KIAA2012: variants seen among roughly 807,000 people sequenced by gnomAD.
The protein encoded by KIAA2012 is KIAA2012.
A neutral mutation model predicts 150.6 loss-of-function variants in KIAA2012; 125 were observed. The observed-to-expected ratio is 0.83, with a 90% CI of 0.72 to 0.96. The LOEUF (loss-of-function observed/expected upper bound fraction) is 0.96, where lower values mean the gene tolerates loss of function less well. Ranked by LOEUF, KIAA2012 falls within the 40% of genes least tolerant of loss-of-function variation. The pLI, the probability that KIAA2012 is intolerant of heterozygous loss-of-function variation, is 0.00. For synonymous variants in KIAA2012, 462 were observed against 504.7 expected, an observed-to-expected ratio of 0.92 and a Z score of 1.13; for missense variants, 1,219 against 1,354.9, an observed-to-expected ratio of 0.90 and a Z score of 1.57.
chr2:202,142,326 A>G (rs1024185527), intron 13 of KIAA2012, among the ~76,000 whole-genome samples: 1 of 152,266 alleles, frequency 6.6e-6, no homozygotes, highest in Admixed American at 6.5e-5. Context: ...CATGAAAAAC[A>G]TGAAATATCC....
intron 17 of KIAA2012, 37 bp from the exon 18 acceptor site, chr2:202,188,115 C>A (rs1426106251): frequency 6.8e-6 from 10 of 1,480,046 alleles, no homozygotes; most frequent in African/African-American, 2.8e-5. Context: ...ATTTCCTATA[C>A]ATATTATGGT....
At chr2:202,108,345 A>G (rs939898935) in intron 9 of KIAA2012, among the ~76,000 whole-genome samples, 8 of 152,150 alleles carry the variant, frequency 5.3e-5, no homozygotes, top group African/African-American at 9.7e-5. Flanking sequence ...CAATTACCAC[A>G]CTCAAGAAAG....
At chr2:202,126,370 A>G (rs1400115863) in intron 12 of KIAA2012, among the ~76,000 whole-genome samples, 1 of 152,200 alleles carries the variant, frequency 6.6e-6, no homozygotes, top group Non-Finnish European at 1.5e-5. Context: ...GGGTGGAAGG[A>G]TTGTTTTTGC....
intron 21 of KIAA2012, among the ~76,000 whole-genome samples, chr2:202,194,734 C>T (rs989107979): frequency 1.3e-5 from 2 of 152,026 alleles, no homozygotes; most frequent in Non-Finnish European, 2.9e-5. Context: ...TTGCCAGCCT[C>T]TTTTTAAAAA....
At chr2:202,131,153 T>C (rs1057306561) in intron 12 of KIAA2012, among the ~76,000 whole-genome samples, 2 of 152,138 alleles carry the variant, frequency 1.3e-5, no homozygotes, top group Non-Finnish European at 2.9e-5. Context: ...TGTTTGTTTG[T>C]TTTGAGATGG....
intron 14 of KIAA2012, among the ~76,000 whole-genome samples, chr2:202,155,065 G>A (rs969784973): frequency 1.3e-5 from 2 of 152,240 alleles, no homozygotes; most frequent in Non-Finnish European, 2.9e-5. Context: ...AGAGGAGAAA[G>A]AGTAACTTTA....
intron 18 of KIAA2012, 142 bp from the exon 19 acceptor site, chr2:202,190,032 G>A (rs1232003423): frequency 6.5e-6 from 4 of 619,670 alleles, no homozygotes; most frequent in Non-Finnish European, 1.1e-5. Context: ...AGGCTGCAGT[G>A]AGCCATGATC....
intron 13 of KIAA2012, among the ~76,000 whole-genome samples, chr2:202,143,465 C>CG (rs1239946901): frequency 2.5e-4 from 37 of 150,046 alleles, no homozygotes; most frequent in African/African-American, 8.3e-4. Context: ...TGTATCTATT[C>CG]GGAAAAGACT....
At position 202,190,435 on chromosome 2, in the gene KIAA2012, C is replaced by A; in HGVS notation, c.2753C>A (p.Ala918Glu). Residue 918 changes from alanine (A) to glutamate (E), a missense_variant, in exon 19 of 24, where the codon GCA becomes GAA. Ala to Glu is a moderately radical substitution (Grantham distance 107). Transcript: ENST00000498697. ...GGAAGATCATCACCCTCTCAGATTG[C>A]AACTGTCACTGGCAACATGGAATCT... ...LDGRSSPSQI[A>E]TVTGNMESKE... 6.5e-7 allele frequency: 1 copy of A among 1,548,650 alleles called. No homozygotes were observed. The highest frequency in any genetic ancestry group is 8.7e-7 in the Non-Finnish European group (1 of 1,145,810).
At chr2:202,086,569 G>A (rs763164751) in intron 2 of KIAA2012, among the ~76,000 whole-genome samples, 7 of 152,168 alleles carry the variant, frequency 4.6e-5, no homozygotes, top group African/African-American at 7.2e-5. Context: ...AAGACCACAT[G>A]AGACTGAATT....
At position 202,196,938 on chromosome 2, in the gene KIAA2012, C is replaced by T; in HGVS notation, c.3326C>T (p.Ala1109Val). 1 of 1,550,504 alleles carries T rather than the reference C, an allele frequency of 6.4e-7. No individual in the cohort carries two copies. Among genetic ancestry groups the T allele is most frequent in the Non-Finnish European group, 8.7e-7 (1 of 1,146,992 alleles). The change falls in exon 22 of 24, where the codon GCA becomes GTA. Residue 1109 changes from alanine (A) to valine (V), a missense_variant. Transcript: ENST00000498697. The stretch of plus-strand genomic sequence containing the variant: ...GCAGAAGAGAAGGCTCGGCTGGAGG[C>T]AGAGGAGAGGAGGCAAAAAGAAGAG... The part of the protein sequence containing the change: ...QEAEEKARLE[A>V]EERRQKEEEA...
intron 2 of KIAA2012, among the ~76,000 whole-genome samples, chr2:202,075,854 G>A (rs920534457): frequency 2.6e-5 from 4 of 152,210 alleles, no homozygotes; most frequent in African/African-American, 9.7e-5. Flanking sequence ...ATTTAAAAGT[G>A]TTTACTGACT....
At chr2:202,131,275 G>A (rs556752829) in intron 12 of KIAA2012, among the ~76,000 whole-genome samples, 2 of 152,244 alleles carry the variant, frequency 1.3e-5, no homozygotes, top group Non-Finnish European at 2.9e-5. Context: ...AAGTAGCTGG[G>A]ATTACAGGCG....
intron 12 of KIAA2012, 190 bp from the exon 13 acceptor site, chr2:202,138,242 T>C (rs1433926852): frequency 7.5e-6 from 4 of 533,412 alleles, no homozygotes; most frequent in African/African-American, 1.9e-5. Flanking sequence ...TTTAACATGG[T>C]GTTTAGGCTA....
In KIAA2012 at chr2:202,099,763, G is replaced by A; in HGVS notation, c.979G>A (p.Gly327Ser). 3 of 1,550,226 alleles carry A rather than the reference G, an allele frequency of 1.9e-6. No homozygotes were observed. Among genetic ancestry groups the A allele is most frequent in the Middle Eastern group, 1.7e-4 (1 of 5,986 alleles). ...CAAATCCCACATTACATTCTGTGGA[G>A]GCGCCTTCCCTAATAGGAAGGCAGA... ...SDKSHITFCG[G>S]AFPNRKADLS... Residue 327 changes from glycine (G) to serine (S), a missense_variant, in exon 6 of 24, where the codon GGC becomes AGC. Physicochemically the swap from Gly to Ser is moderately conservative, Grantham distance 56 (BLOSUM62 0). Coordinates refer to ENST00000498697, the MANE Select transcript of KIAA2012 (RefSeq NM_001277372.4).
intron 2 of KIAA2012, chr2:202,076,808 G>T: frequency 2.7e-6 from 1 of 369,610 alleles, no homozygotes. Flanking sequence ...TGGTCATTGT[G>T]CTGGTCATGG....
At chr2:202,096,618 C>T (rs1553551766) in intron 4 of KIAA2012, among the ~76,000 whole-genome samples, 1 of 152,124 alleles carries the variant, frequency 6.6e-6, no homozygotes. Context: ...AGAAGCAGCT[C>T]GCAGAAGTCT....
chr2:202,151,121 G>T (rs1034389742), intron 13 of KIAA2012, among the ~76,000 whole-genome samples: 1 of 152,116 alleles, frequency 6.6e-6, no homozygotes, highest in Non-Finnish European at 1.5e-5. Flanking sequence ...ACAGGGCCAG[G>T]CACGGTGGCT....
Position 202,093,105 on chromosome 2 carries a change from T to A in KIAA2012, c.605T>A (p.Leu202His). The change falls in exon 4 of 24, where the codon CTT becomes CAT. Residue 202 changes from leucine (L) to histidine (H), a missense_variant. Leu to His is a moderately conservative substitution (Grantham distance 99, BLOSUM62 -3). Coordinates refer to ENST00000498697, the MANE Select transcript of KIAA2012 (RefSeq NM_001277372.4). The part of the protein sequence containing the change: ...VPKKLRPQQD[L>H]SGVPPKYHLL... ...AAGAAGCTCAGGCCACAACAAGATC[T>A]TTCAGGTGTACCCCCAAAATACCAT... 1 of 1,550,984 alleles carries A rather than the reference T, an allele frequency of 6.4e-7. No individual in the cohort carries two copies. Among genetic ancestry groups the A allele is most frequent in the African/African-American group, 1.4e-5 (1 of 73,178 alleles).
Sources: allele counts gnomAD v4.1 joint callset (sites outside exome capture counted in the v4.1 genomes callset), GRCh38; gene constraint gnomAD v4.1.1; transcripts MANE v1.5; gene names NCBI Gene and HGNC (gene_info 2026-07-23, HGNC 2026-07-21).